B3GALT1: variants seen among roughly 807,000 people sequenced by gnomAD.
B3GALT1 encodes UDP-Gal:betaGlcNAc beta 1,3-galactosyltransferase, polypeptide 1.
In B3GALT1, 10 loss-of-function variants were observed where a neutral mutation model predicts 23.2. That is an observed-to-expected ratio of 0.43 (90% CI 0.27 to 0.73). B3GALT1 has a LOEUF of 0.73. Ranked by LOEUF, B3GALT1 falls within the 30% of genes least tolerant of loss-of-function variation. The pLI is 0.21. For missense variants in B3GALT1, 299 were observed against 405.4 expected (o/e 0.74, Z 2.25); for synonymous variants, 156 against 141.5 (o/e 1.10, Z -0.73).
At chr2:167,440,727 A>G (rs992067791) in intron 1 of B3GALT1, among the ~76,000 whole-genome samples, 1 of 151,840 alleles carries the variant, frequency 6.6e-6, no homozygotes. Flanking sequence ...TCTTTCTAGA[A>G]TGACTGTTTT....
At chr2:167,475,053 A>G (rs575883661) in intron 1 of B3GALT1, among the ~76,000 whole-genome samples, 46 of 152,324 alleles carry the variant, frequency 3.0e-4, no homozygotes, top group Admixed American at 2.8e-3. Flanking sequence ...AAAGTGCAGT[A>G]GATACCCCTC....
chr2:167,469,310 CATT>C (rs1166675095), intron 1 of B3GALT1, among the ~76,000 whole-genome samples: 1 of 152,118 alleles, frequency 6.6e-6, no homozygotes, highest in African/African-American at 2.4e-5. Context: ...ATGGGAATAA[CATT>C]ATCTGCTTTA....
intron 2 of B3GALT1, among the ~76,000 whole-genome samples, chr2:167,512,629 TATATATAC>T (rs1244752031): frequency 0.048 from 4,830 of 101,348 alleles, 304 homozygotes; most frequent in East Asian, 0.15. Flanking sequence ...TACGTGTATA[TATATATAC>T]ATATATATAT....
chr2:167,763,399 G>A (rs1044950489), intron 3 of B3GALT1, among the ~76,000 whole-genome samples: 2 of 152,112 alleles, frequency 1.3e-5, no homozygotes, highest in Non-Finnish European at 2.9e-5. Flanking sequence ...CACTTTGGAA[G>A]GTAGATAAGA....
intron 1 of B3GALT1, among the ~76,000 whole-genome samples, chr2:167,349,406 G>A (rs147244742): frequency 2.6e-4 from 39 of 152,148 alleles, no homozygotes; most frequent in South Asian, 6.2e-4. Flanking sequence ...TGGCCCCAAC[G>A]TGCAAGAATA....
chr2:167,653,152 T>G (rs1232588008), intron 3 of B3GALT1, among the ~76,000 whole-genome samples: 1 of 136,474 alleles, frequency 7.3e-6, no homozygotes, highest in Non-Finnish European at 1.5e-5. Context: ...AGAAGACTCT[T>G]CTTCTGTGCT....
intron 3 of B3GALT1, among the ~76,000 whole-genome samples, chr2:167,788,852 G>C (rs1256478867): frequency 6.6e-6 from 1 of 152,146 alleles, no homozygotes; most frequent in Non-Finnish European, 1.5e-5. Flanking sequence ...AGAACCAATA[G>C]AACAGTTTCA....
chr2:167,558,707 A>G (rs1683902540), intron 2 of B3GALT1, among the ~76,000 whole-genome samples: 1 of 152,208 alleles, frequency 6.6e-6, no homozygotes, highest in African/African-American at 2.4e-5. Flanking sequence ...GCTGATTGCT[A>G]GCACAGCAGT....
chr2:167,477,704 AC>A (rs1163990731), intron 1 of B3GALT1, among the ~76,000 whole-genome samples: 6 of 152,158 alleles, frequency 3.9e-5, no homozygotes, highest in African/African-American at 1.4e-4. Context: ...AAACTATTAG[AC>A]CCATTTGTCA....
chr2:167,834,686 T>C (rs1689421339), intron 4 of B3GALT1, among the ~76,000 whole-genome samples: 1 of 152,028 alleles, frequency 6.6e-6, no homozygotes, highest in Non-Finnish European at 1.5e-5. Context: ...CCATCTCCAC[T>C]AAAAATACAA....
intron 2 of B3GALT1, among the ~76,000 whole-genome samples, chr2:167,579,420 G>GT (rs745735602): frequency 0.01 from 942 of 93,002 alleles, 4 homozygotes; most frequent in South Asian, 0.039. Flanking sequence ...TTTTGGTTTT[G>GT]TTTTTTTTTG....
intron 2 of B3GALT1, among the ~76,000 whole-genome samples, chr2:167,610,092 A>G (rs1451355178): frequency 6.6e-6 from 1 of 152,158 alleles, no homozygotes; most frequent in East Asian, 1.9e-4. Context: ...GTTAAAGAGG[A>G]CAAAAGAAAA....
At chr2:167,716,426 A>G (rs1274547777) in intron 3 of B3GALT1, among the ~76,000 whole-genome samples, 1 of 152,252 alleles carries the variant, frequency 6.6e-6, no homozygotes, top group African/African-American at 2.4e-5. Flanking sequence ...ACCTTTGATC[A>G]TTATATAATC....
In B3GALT1 at chr2:167,661,083, G is replaced by A. The variant is rs549686243; in HGVS notation, c.-352+14117G>A. ...CTCTGGATTTTCTTCGTTGTGCAAC[G>A]GAGCTTAAATCCTTAATACAGGATG... On this transcript the variant is annotated intron_variant, in intron 3 of 4. Coordinates refer to ENST00000392690, the MANE Select transcript of B3GALT1 (RefSeq NM_020981.4). Among the ~76,000 whole-genome samples the A allele has an allele frequency of 6.6e-4, 100 of 152,188 alleles. 1 individual carries two copies. The highest frequency in any genetic ancestry group is 2.3e-3 in the African/African-American group (94 of 41,544).
intron 1 of B3GALT1, among the ~76,000 whole-genome samples, chr2:167,449,559 C>T (rs1699055066): frequency 6.6e-6 from 1 of 152,128 alleles, no homozygotes; most frequent in African/African-American, 2.4e-5. Context: ...GTTTGACTTC[C>T]TCTTTACTGA....
chr2:167,317,739 T>G (rs1380722639), intron 1 of B3GALT1, among the ~76,000 whole-genome samples: 2 of 152,110 alleles, frequency 1.3e-5, no homozygotes, highest in East Asian at 1.9e-4. Flanking sequence ...GGTCGCTGCT[T>G]CTTGTGCATG....
chr2:167,762,109 T>C (rs554667019), intron 3 of B3GALT1, among the ~76,000 whole-genome samples: 15 of 152,296 alleles, frequency 9.8e-5, no homozygotes, highest in South Asian at 4.1e-4. Context: ...ACATAAAATA[T>C]AGAAATATGC....
intron 2 of B3GALT1, among the ~76,000 whole-genome samples, chr2:167,646,113 A>G (rs1442958071): frequency 2.6e-5 from 4 of 152,100 alleles, no homozygotes; most frequent in East Asian, 1.9e-4. Flanking sequence ...CCCTCTTTTT[A>G]TGGGCATCTG....
intron 1 of B3GALT1, among the ~76,000 whole-genome samples, chr2:167,397,003 T>G (rs1053580873): frequency 2.6e-5 from 4 of 152,112 alleles, no homozygotes; most frequent in Admixed American, 2.0e-4. Flanking sequence ...GCTAATGTAA[T>G]AAAATTTGAA....
Sources: allele counts gnomAD v4.1 joint callset (sites outside exome capture counted in the v4.1 genomes callset), GRCh38; gene constraint gnomAD v4.1.1; transcripts MANE v1.5; gene names NCBI Gene and HGNC (gene_info 2026-07-23, HGNC 2026-07-21).